Variants in GRID1 observed in about 807,000 individuals in gnomAD.
The protein encoded by GRID1 is glutamate ionotropic receptor delta type subunit 1, also known as glutamate receptor ionotropic, delta-1.
A neutral mutation model predicts 98.0 loss-of-function variants in GRID1; 28 were observed. That is an observed-to-expected ratio of 0.29 (90% confidence interval 0.21 to 0.39). GRID1 has a LOEUF of 0.39. Ranked by LOEUF, GRID1 falls within the 10% of genes least tolerant of loss-of-function variation. The probability of loss-of-function intolerance (pLI) is 1.00; values close to 1 mark genes in which losing one functional copy is unlikely to be tolerated. For synonymous variants in GRID1, 553 were observed against 538.5 expected (o/e 1.03, Z -0.37); for missense variants, 1,111 against 1,340.5 (o/e 0.83, Z 2.67).
chr10:85,681,342 T>A lies in GRID1; in HGVS notation c.1998-33945A>T, dbSNP rs76939883. ...AACATTTTAAAATGTATTATCTATT[T>A]TTTTCTAATTCAAACAACACCTATG... On this transcript the variant is annotated intron_variant, in intron 12 of 15. Coordinates refer to ENST00000327946, the MANE Select transcript of GRID1 (RefSeq NM_017551.3). Among the ~76,000 whole-genome samples, 409 of 152,282 alleles carry A rather than the reference T, an allele frequency of 2.7e-3. 7 individuals carry two copies. The East Asian group carries it at 0.046, about 17-fold the overall frequency.
intron 8 of GRID1, among the ~76,000 whole-genome samples, chr10:85,737,174 T>C (rs1041673522): frequency 6.6e-6 from 1 of 152,130 alleles, no homozygotes; most frequent in East Asian, 1.9e-4. Context: ...GCACAAGGAA[T>C]TGAGCCTTTG....
intron 8 of GRID1, among the ~76,000 whole-genome samples, chr10:85,778,830 A>C (rs1842356735): frequency 6.6e-6 from 1 of 152,190 alleles, no homozygotes; most frequent in Admixed American, 6.5e-5. Context: ...ATGCTGTGGG[A>C]TCCTGGGTGA....
At chr10:85,770,731 G>C (rs1284225652) in intron 8 of GRID1, among the ~76,000 whole-genome samples, 1 of 152,196 alleles carries the variant, frequency 6.6e-6, no homozygotes, top group African/African-American at 2.4e-5. Context: ...ATCAGTGATG[G>C]AAGATGAAAT....
chr10:85,780,399 A>G (rs1842371216), intron 8 of GRID1, among the ~76,000 whole-genome samples: 1 of 152,184 alleles, frequency 6.6e-6, no homozygotes, highest in Non-Finnish European at 1.5e-5. Flanking sequence ...GAGTGAGAAG[A>G]ACTGGTATAA....
At chr10:86,298,515 C>T (rs964215360) in intron 2 of GRID1, among the ~76,000 whole-genome samples, 6 of 152,192 alleles carry the variant, frequency 3.9e-5, no homozygotes, top group African/African-American at 1.4e-4. Context: ...GGGTGTGGGG[C>T]TATGGGCAGC....
At chr10:85,978,595 A>G (rs991740922) in intron 4 of GRID1, among the ~76,000 whole-genome samples, 1 of 152,052 alleles carries the variant, frequency 6.6e-6, no homozygotes, top group African/African-American at 2.4e-5. Context: ...AAATTGTGTA[A>G]TGGACAATTA....
intron 12 of GRID1, chr10:85,650,398 G>C (rs528239411): frequency 3.3e-5 from 5 of 152,176 alleles, no homozygotes; most frequent in African/African-American, 1.2e-4. Flanking sequence ...AGAGATGAAG[G>C]AGACGTGCCT....
intron 4 of GRID1, among the ~76,000 whole-genome samples, chr10:85,952,557 T>G (rs1363274327): frequency 6.6e-6 from 1 of 152,242 alleles, no homozygotes; most frequent in Non-Finnish European, 1.5e-5. Flanking sequence ...AAACCCATTT[T>G]TTAAGGAGAT....
intron 2 of GRID1, among the ~76,000 whole-genome samples, chr10:86,262,567 G>A (rs1180087879): frequency 6.6e-6 from 1 of 152,202 alleles, no homozygotes; most frequent in Non-Finnish European, 1.5e-5. Context: ...AAGGGAACGT[G>A]GCTCCACCCC....
chr10:86,306,431 G>GCACT (rs1847759879), intron 2 of GRID1, among the ~76,000 whole-genome samples: 1 of 152,188 alleles, frequency 6.6e-6, no homozygotes, highest in Non-Finnish European at 1.5e-5. Context: ...GTCACATTTG[G>GCACT]CACTCCCTTA....
At chr10:85,786,630 A>G (rs1326769669) in intron 8 of GRID1, among the ~76,000 whole-genome samples, 2 of 152,204 alleles carry the variant, frequency 1.3e-5, no homozygotes, top group African/African-American at 2.4e-5. Context: ...TCTATTGGCA[A>G]TCTCAGTAGT....
intron 12 of GRID1, among the ~76,000 whole-genome samples, chr10:85,711,870 C>T (rs528408900): frequency 6.6e-6 from 1 of 151,700 alleles, no homozygotes; most frequent in East Asian, 1.9e-4. Context: ...GTAGGTGGAA[C>T]AGAACTATAT....
intron 2 of GRID1, among the ~76,000 whole-genome samples, chr10:86,220,770 C>T (rs1846241366): frequency 1.3e-5 from 2 of 152,218 alleles, no homozygotes; most frequent in East Asian, 1.9e-4. Flanking sequence ...AACACCTCAT[C>T]GCCGTCCTAA....
intron 8 of GRID1, among the ~76,000 whole-genome samples, chr10:85,733,458 C>A (rs991257894): frequency 1.3e-5 from 2 of 152,180 alleles, no homozygotes; most frequent in Non-Finnish European, 2.9e-5. Flanking sequence ...AGCAGATGTT[C>A]ATGAGTCAGT....
chr10:86,158,846 G>C (rs1414186141), intron 3 of GRID1, among the ~76,000 whole-genome samples: 1 of 152,198 alleles, frequency 6.6e-6, no homozygotes, highest in Non-Finnish European at 1.5e-5. Flanking sequence ...GTAAAGCCGA[G>C]GTTGAATTTC....
chr10:86,354,487 G>T (rs1408674254), intron 2 of GRID1, among the ~76,000 whole-genome samples: 1 of 152,246 alleles, frequency 6.6e-6, no homozygotes, highest in Non-Finnish European at 1.5e-5. Context: ...CGCCATGGTG[G>T]ACTGTTGCTC....
At position 86,288,293 on chromosome 10, in the gene GRID1, G is replaced by C. The variant is rs192572279; in HGVS notation, c.235+75648C>G. Among the ~76,000 whole-genome samples, 224 of 152,288 alleles carry C rather than the reference G, an allele frequency of 1.5e-3. 1 individual carries two copies. Among genetic ancestry groups the C allele is most frequent in the African/African-American group, 5.2e-3 (215 of 41,566 alleles). ...GGAGCGTTCAGGCATGGCTGACCAA[G>C]AACATCCCCAGGGAGCCTGGGAGAG... On this transcript the variant is annotated intron_variant, in intron 2 of 15. Transcript: ENST00000327946.
chr10:86,090,801 C>T (rs904796834), intron 4 of GRID1, among the ~76,000 whole-genome samples: 3 of 152,172 alleles, frequency 2.0e-5, no homozygotes, highest in Non-Finnish European at 4.4e-5. Context: ...CAAGAGACAC[C>T]CCAAATACTG....
chr10:85,891,895 T>C (rs1841206135), intron 5 of GRID1, among the ~76,000 whole-genome samples: 1 of 151,988 alleles, frequency 6.6e-6, no homozygotes, highest in African/African-American at 2.4e-5. Flanking sequence ...ATATCCTCAA[T>C]CAATCCTCAA....
Sources: gnomAD v4.1 joint callset for allele counts (sites outside exome capture counted in the v4.1 genomes callset) on GRCh38, gnomAD v4.1.1 for gene constraint, MANE v1.5 for transcripts, NCBI Gene and HGNC (gene_info 2026-07-23, HGNC 2026-07-21) for gene names.